The following HMGB1 variants were observed in gnomAD, a reference collection of about 807,000 sequenced individuals.
HMGB1 encodes high mobility group box 1, also known as high mobility group protein B1.
For missense variants in HMGB1, 79 were observed against 253.5 expected (o/e 0.31, Z 4.67); for synonymous variants, 81 against 84.0 (o/e 0.96, Z 0.19).
intron 1 of HMGB1, among the ~76,000 whole-genome samples, chr13:30,536,405 A>G (rs1868435929): frequency 6.6e-6 from 1 of 152,120 alleles, no homozygotes; most frequent in African/African-American, 2.4e-5. Context: ...ACTGGAGTGC[A>G]GTGGTGCGAT....
chr13:30,474,100 T>A (rs1486643185), intron 1 of HMGB1, among the ~76,000 whole-genome samples: 1 of 152,214 alleles, frequency 6.6e-6, no homozygotes, highest in Non-Finnish European at 1.5e-5. Flanking sequence ...TACAAAAATG[T>A]TGCAGATTAG....
chr13:30,562,438 CTTG>C (rs1457154457), intron 1 of HMGB1, among the ~76,000 whole-genome samples: 27 of 151,616 alleles, frequency 1.8e-4, no homozygotes, highest in Admixed American at 6.6e-5. Flanking sequence ...TATATATAAA[CTTG>C]TTGACATATA....
chr13:30,501,580 T>A (rs1393151316), intron 1 of HMGB1, among the ~76,000 whole-genome samples: 1 of 152,076 alleles, frequency 6.6e-6, no homozygotes, highest in African/African-American at 2.4e-5. Context: ...AAATAGAAAT[T>A]AAAAACTTCC....
In HMGB1 at chr13:30,464,727, G is replaced by C. The variant is rs563562642; in HGVS notation, c.-14-1033C>G. 395 of 530,866 alleles carry C rather than the reference G, an allele frequency of 7.4e-4. 3 individuals are homozygous for C. In the African/African-American group the frequency reaches 8.0e-3, roughly 11 times the overall value. The allele number at this position is 530,866 out of a possible 1,614,324, so 32.9% of individuals were successfully genotyped here. ...TCCGCCTGCGCCGCCGCCGCCGCGA[G>C]GGCGAGCGCGAGCGAGAATATGGCT... On this transcript the variant is annotated intron_variant, in intron 1 of 4. Coordinates refer to ENST00000341423, the MANE Select transcript of HMGB1 (RefSeq NM_002128.7).
chr13:30,500,529 C>T (rs1887710742), intron 1 of HMGB1, among the ~76,000 whole-genome samples: 1 of 90,790 alleles, frequency 1.1e-5, no homozygotes, highest in Admixed American at 1.7e-4. Flanking sequence ...GCTCCCTCAC[C>T]TGGCTAATTT....
rs571297113 is a variant in HMGB1 at position 30,534,293 on chromosome 13, C to T, written c.-14-70599G>A. ...ACTCAGCCAGTTCAGTCACACTCCA[C>T]GGCCCAGGCCAAACTCAGTCTCGTC... On this transcript the variant is annotated intron_variant, in intron 1 of 4. Transcript: ENST00000405805. Among the ~76,000 whole-genome samples, 5 of 152,364 alleles carry T rather than the reference C, an allele frequency of 3.3e-5. No homozygotes were observed. The East Asian group carries it at 9.6e-4, about 29-fold the overall frequency.
chr13:30,579,175 A>G (rs1194510732), intron 1 of HMGB1, among the ~76,000 whole-genome samples: 1 of 152,256 alleles, frequency 6.6e-6, no homozygotes, highest in Admixed American at 6.5e-5. Context: ...CGGAATGGCT[A>G]GAAAAAGTGA....
chr13:30,549,299 C>T (rs4769040), intron 1 of HMGB1, among the ~76,000 whole-genome samples: 2 of 152,024 alleles, frequency 1.3e-5, no homozygotes, highest in East Asian at 1.9e-4. Context: ...TAAATAAATA[C>T]GAATGTCTGA....
intron 1 of HMGB1, among the ~76,000 whole-genome samples, chr13:30,524,048 T>C (rs555919202): frequency 9.2e-5 from 14 of 152,140 alleles, no homozygotes; most frequent in African/African-American, 3.4e-4. Flanking sequence ...GGGACATGGA[T>C]GAAGCTGGAA....
In HMGB1 at chr13:30,612,570, C is replaced by G. The variant is rs560208656; in HGVS notation, c.-15+4101G>C. Reference sequence around the variant, plus strand: ...TTTTGCTATTGTTTCTACCACTTCTCCTTTTCTGTTGACAATTATTTTAAA... The same window carrying G: ...TTTTGCTATTGTTTCTACCACTTCTGCTTTTCTGTTGACAATTATTTTAAA... On this transcript the variant is annotated intron_variant, in intron 1 of 4. Coordinates refer to the HMGB1 transcript ENST00000405805. Among the ~76,000 whole-genome samples the G allele has an allele frequency of 3.9e-5, 6 of 152,294 alleles. No homozygotes were observed. The South Asian group carries it at 6.2e-4, about 16-fold the overall frequency.
intron 1 of HMGB1, among the ~76,000 whole-genome samples, chr13:30,549,348 AAAC>A (rs956999297): frequency 2.6e-5 from 4 of 152,172 alleles, no homozygotes; most frequent in African/African-American, 4.8e-5. Context: ...ACAGATTCTA[AAAC>A]AACAACTTAG....
intron 1 of HMGB1, among the ~76,000 whole-genome samples, chr13:30,520,671 C>T (rs1360474663): frequency 6.6e-6 from 1 of 152,156 alleles, no homozygotes; most frequent in Non-Finnish European, 1.5e-5. Context: ...ATTGTCTTCT[C>T]ATTCAGAATC....
At chr13:30,597,222 A>AT (rs929232557) in intron 1 of HMGB1, among the ~76,000 whole-genome samples, 100 of 104,030 alleles carry the variant, frequency 9.6e-4, no homozygotes, top group African/African-American at 6.3e-3. Context: ...CAGTGTCCTT[A>AT]TAAAAAAAAG....
At chr13:30,510,320 G>A (rs1485261118) in intron 1 of HMGB1, among the ~76,000 whole-genome samples, 1 of 152,184 alleles carries the variant, frequency 6.6e-6, no homozygotes, top group African/African-American at 2.4e-5. Context: ...ATAAAATCCT[G>A]CTGTTTCTAC....
intron 1 of HMGB1, among the ~76,000 whole-genome samples, chr13:30,552,115 CT>C (rs774864877): frequency 6.6e-6 from 1 of 152,136 alleles, no homozygotes; most frequent in Non-Finnish European, 1.5e-5. Flanking sequence ...TTCTCCTCTC[CT>C]TTTTTTATTT....
chr13:30,487,576 C>G (rs1394213466), intron 1 of HMGB1, among the ~76,000 whole-genome samples: 3 of 152,200 alleles, frequency 2.0e-5, no homozygotes, highest in African/African-American at 7.2e-5. Context: ...TACAGTATGT[C>G]TTTTCCTTGT....
At chr13:30,496,316 A>G (rs1357457448) in intron 1 of HMGB1, among the ~76,000 whole-genome samples, 1 of 152,196 alleles carries the variant, frequency 6.6e-6, no homozygotes, top group African/African-American at 2.4e-5. Flanking sequence ...TAATGTACCA[A>G]ACACCAAGGC....
chr13:30,538,541 CTTTCTTTCTTTCTT>C, intron 1 of HMGB1, among the ~76,000 whole-genome samples: 1 of 104,904 alleles, frequency 9.5e-6, no homozygotes, highest in Non-Finnish European at 1.8e-5. Context: ...TCTTTCCTTT[CTTTCTTTCTTTCTT>C]TTTCTTTCTT....
At chr13:30,538,715 CTTCTTTTTCT>C (rs772889448) in intron 1 of HMGB1, among the ~76,000 whole-genome samples, 7,051 of 78,456 alleles carry the variant, frequency 0.09, 258 homozygotes, top group Middle Eastern at 0.26. Flanking sequence ...TTCTTTCTTT[CTTCTTTTTCT>C]TTCTTTTTCT....
Sources: gnomAD v4.1 joint callset for allele counts (sites outside exome capture counted in the v4.1 genomes callset) on GRCh38, gnomAD v4.1.1 for gene constraint, MANE v1.5 for transcripts, NCBI Gene and HGNC (gene_info 2026-07-23, HGNC 2026-07-21) for gene names.